The following TENM1 variants were observed in gnomAD, a reference collection of about 807,000 sequenced individuals.
The protein encoded by TENM1 is teneurin-1.
A neutral mutation model predicts 174.8 loss-of-function variants in TENM1; 35 were observed. That is an observed-to-expected ratio of 0.20 (90% CI 0.15 to 0.27). The LOEUF is 0.27. TENM1 is among the 10% of genes least tolerant of loss of function. TENM1 has a pLI of 1.00. For synonymous variants in TENM1, 781 were observed against 798.7 expected (o/e 0.98, Z 0.37); for missense variants, 1,633 against 2,130.1 (o/e 0.77, Z 4.59).
intron 22 of TENM1, among the ~76,000 whole-genome samples, chrX:124,472,740 A>C (rs1476012671): frequency 9.0e-6 from 1 of 111,022 alleles, no homozygotes; most frequent in Non-Finnish European, 1.9e-5. Context: ...TAGAGTGAAT[A>C]TTCTGGATTC....
chrX:124,643,981 A>G (rs1264004587), intron 10 of TENM1, among the ~76,000 whole-genome samples: 1 of 103,160 alleles, frequency 9.7e-6, no homozygotes, highest in Non-Finnish European at 2.0e-5. Context: ...CACTTTCTGA[A>G]AGTAACTCAG....
Position 124,446,493 on chromosome X carries a change from A to C in TENM1, c.4104+6844T>G, listed in dbSNP as rs182896905. On this transcript the variant is annotated intron_variant, in intron 23 of 31. Coordinates refer to ENST00000422452, the Ensembl canonical transcript of TENM1. ...TATAGGACTTAATGATCTGCTAAAG[A>C]TTAGGACAAGCCCTGAGAACTGATT... 2.9e-3 allele frequency among the ~76,000 whole-genome samples: 321 copies of C among 112,565 alleles called. 2 individuals carry two copies. The highest frequency in any genetic ancestry group is 9.4e-3 in the African/African-American group (292 of 31,021).
intron 3 of TENM1, among the ~76,000 whole-genome samples, chrX:124,738,997 A>G (rs2053741278): frequency 9.0e-6 from 1 of 111,438 alleles, no homozygotes; most frequent in African/African-American, 3.3e-5. Flanking sequence ...AATTGTCCAC[A>G]TTTTCTTGAT....
chrX:124,973,153 A>C, the TENM1 span, among the ~76,000 whole-genome samples: 1 of 111,820 alleles, frequency 8.9e-6, no homozygotes, highest in Non-Finnish European at 1.9e-5. Context: ...CCATTTATTA[A>C]ATAGGGAATC....
chrX:125,025,955 T>G, the TENM1 span, among the ~76,000 whole-genome samples: 1 of 111,529 alleles, frequency 9.0e-6, no homozygotes, highest in East Asian at 2.8e-4. Flanking sequence ...CTAAATGCCT[T>G]TATTCATTAA....
chrX:124,677,353 G>A (rs1188801601), intron 5 of TENM1, among the ~76,000 whole-genome samples: 5 of 111,169 alleles, frequency 4.5e-5, no homozygotes, highest in Non-Finnish European at 9.5e-5. Flanking sequence ...CCAAAGGCAG[G>A]AACAATGCCT....
At chrX:125,153,157 C>A in the TENM1 span, among the ~76,000 whole-genome samples, 1 of 111,928 alleles carries the variant, frequency 8.9e-6, no homozygotes, top group Non-Finnish European at 1.9e-5. Flanking sequence ...TTTTAACCAT[C>A]AGAATGTCCT....
the TENM1 span, among the ~76,000 whole-genome samples, chrX:125,042,459 T>C: frequency 4.6e-4 from 51 of 111,684 alleles, 1 homozygote; most frequent in Admixed American, 4.8e-3. Context: ...TCTTGAGACA[T>C]GCCTTTGTCT....
At chrX:124,421,280 CAAT>C (rs1469392029) in intron 24 of TENM1, among the ~76,000 whole-genome samples, 4 of 112,211 alleles carry the variant, frequency 3.6e-5, no homozygotes, top group East Asian at 2.8e-4. Flanking sequence ...ATAAGTACAA[CAAT>C]GATTCAGAAC....
intron 3 of TENM1, among the ~76,000 whole-genome samples, chrX:124,810,506 T>G (rs1030407718): frequency 1.8e-5 from 2 of 111,061 alleles, no homozygotes; most frequent in African/African-American, 6.5e-5. Flanking sequence ...AGGTGAAAGA[T>G]CTCCACAATG....
chrX:125,045,971 G>C, the TENM1 span, among the ~76,000 whole-genome samples: 1 of 111,453 alleles, frequency 9.0e-6, no homozygotes, highest in South Asian at 3.7e-4. Context: ...TCTTGAAGAA[G>C]AGCAACCAGT....
the TENM1 span, among the ~76,000 whole-genome samples, chrX:125,126,972 C>T: frequency 9.0e-6 from 1 of 110,951 alleles, no homozygotes; most frequent in Non-Finnish European, 1.9e-5. Context: ...AGGCCTGATC[C>T]GTATTATTAT....
intron 3 of TENM1, among the ~76,000 whole-genome samples, chrX:124,813,205 TC>T (rs760288543): frequency 1.8e-5 from 2 of 111,037 alleles, no homozygotes; most frequent in Non-Finnish European, 3.8e-5. Flanking sequence ...TGGCTGCCTC[TC>T]CTTCATAATA....
chrX:124,896,291 C>T (rs754055757), intron 1 of TENM1, 50 bp from the exon 5 acceptor site: 1 of 1,152,578 alleles, frequency 8.7e-7, no homozygotes, highest in Admixed American at 2.4e-5. Flanking sequence ...TGAAGAAATC[C>T]CCCAGAAAAT....
chrX:124,557,407 G>A (rs1006752977), intron 14 of TENM1, among the ~76,000 whole-genome samples: 3 of 108,626 alleles, frequency 2.8e-5, no homozygotes, highest in Admixed American at 2.0e-4. Flanking sequence ...TTCCTATTAT[G>A]GTTTCTTTTT....
rs1304166626 is a variant in TENM1, at chrX:124,892,705, G to A, written c.535+1591C>T. Among the ~76,000 whole-genome samples the A allele has an allele frequency of 5.4e-5, 6 of 111,661 alleles. No homozygotes were observed. The East Asian group carries it at 1.7e-3, about 31-fold the overall frequency. Reference sequence around the variant, plus strand: ...CTCAAATGTTCCTAAGCTGATCCATGATATCATGCCCACTGCCTCATCGAT... The same window carrying A: ...CTCAAATGTTCCTAAGCTGATCCATAATATCATGCCCACTGCCTCATCGAT... On this transcript the variant is annotated intron_variant, in intron 3 of 31. Transcript: ENST00000422452.
chrX:124,589,744 A>G (rs779630644), intron 11 of TENM1, among the ~76,000 whole-genome samples: 5 of 110,801 alleles, frequency 4.5e-5, no homozygotes, highest in Non-Finnish European at 7.6e-5. Flanking sequence ...TTGTATTTCT[A>G]TGGGATTGGT....
intron 1 of TENM1, among the ~76,000 whole-genome samples, chrX:124,945,900 G>C (rs1199239353): frequency 1.8e-5 from 2 of 112,199 alleles, no homozygotes; most frequent in Non-Finnish European, 3.8e-5. Flanking sequence ...TCACAGCTGA[G>C]AGCAGCTGAA....
chrX:125,066,648 C>A, the TENM1 span, among the ~76,000 whole-genome samples: 3 of 111,505 alleles, frequency 2.7e-5, no homozygotes, highest in African/African-American at 9.8e-5. Context: ...TCTATTGACA[C>A]TGTGTTAATT....
Sources: gnomAD v4.1 joint callset for allele counts (sites outside exome capture counted in the v4.1 genomes callset) on GRCh38, gnomAD v4.1.1 for gene constraint, MANE v1.5 for transcripts, NCBI Gene and HGNC (gene_info 2026-07-23, HGNC 2026-07-21) for gene names.